Variants in TLL1 observed in about 807,000 individuals in gnomAD.
The protein encoded by TLL1 is tolloid like 1.
TLL1 carries 49 observed loss-of-function variants against 128.2 expected under a neutral mutation model. The observed-to-expected ratio is 0.38, with a 90% confidence interval of 0.30 to 0.48. TLL1 has a LOEUF of 0.48. Ranked by LOEUF, TLL1 falls within the 20% of genes least tolerant of loss-of-function variation. The probability of loss-of-function intolerance (pLI) is 0.96; values close to 1 mark genes in which losing one functional copy is unlikely to be tolerated. For synonymous variants in TLL1, 454 were observed against 418.8 expected (o/e 1.08, Z -1.03); for missense variants, 1,123 against 1,242.0 (o/e 0.90, Z 1.44).
intron 1 of TLL1, among the ~76,000 whole-genome samples, chr4:165,889,087 T>C (rs894728685): frequency 1.3e-5 from 2 of 152,194 alleles, no homozygotes; most frequent in Non-Finnish European, 2.9e-5. Flanking sequence ...ATCTAGCATA[T>C]TGAGTTATGC....
chr4:166,100,716 T>A (rs1406237813), intron 20 of TLL1, 26 bp from the exon 21 acceptor site: 3 of 1,612,304 alleles, frequency 1.9e-6, no homozygotes, highest in South Asian at 1.1e-5. Context: ...CTTGTTTACT[T>A]GCTTGTTGTT....
Position 166,043,407 on chromosome 4 carries a change from T to A in TLL1, c.1512T>A (p.Phe504Leu). Reference sequence around the variant, plus strand: ...AGAGCTACCACGTCGGGCTGACCTTTCAGTCCTTTGAGGTAAAGTCTTTTA... The same window carrying A: ...AGAGCTACCACGTCGGGCTGACCTTACAGTCCTTTGAGGTAAAGTCTTTTA... ...VSESYHVGLT[F>L]QSFEIERHDN... Residue 504 changes from phenylalanine (F) to leucine (L), a missense_variant, in exon 12 of 21, where the codon TTT becomes TTA. Physicochemically the swap from Phe to Leu is conservative, Grantham distance 22 (BLOSUM62 0). Transcript: ENST00000061240. 1.2e-6 allele frequency: 2 copies of A among 1,614,140 alleles called. No homozygotes were observed. The highest frequency in any genetic ancestry group is 1.7e-6 in the Non-Finnish European group (2 of 1,179,972).
At chr4:166,059,118 A>T (rs2111116178) in intron 14 of TLL1, among the ~76,000 whole-genome samples, 1 of 152,078 alleles carries the variant, frequency 6.6e-6, no homozygotes, top group Middle Eastern at 3.4e-3. Context: ...AGAAATACTT[A>T]TCTTATCATA....
Position 166,039,458 on chromosome 4 carries a change from C to G in TLL1, c.1261+17C>G. On this transcript the variant is annotated intron_variant, in intron 10 of 20. Transcript: ENST00000061240. ...CTCTCCTTGGTAAGATATCCTTTCC[C>G]TTTTATGTGGCTATGTATCTATTCT... 6.4e-7 allele frequency: 1 copy of G among 1,569,114 alleles called. No individual in the cohort carries two copies. The highest frequency in any genetic ancestry group is 8.8e-7 in the Non-Finnish European group (1 of 1,139,778).
At chr4:166,094,959 T>C (rs983525014) in intron 19 of TLL1, among the ~76,000 whole-genome samples, 1 of 152,132 alleles carries the variant, frequency 6.6e-6, no homozygotes, top group Non-Finnish European at 1.5e-5. Context: ...TCTGATAAGT[T>C]AAACTTATGA....
At chr4:165,913,964 C>A (rs1478325382) in intron 1 of TLL1, among the ~76,000 whole-genome samples, 2 of 151,876 alleles carry the variant, frequency 1.3e-5, no homozygotes, top group East Asian at 3.9e-4. Flanking sequence ...TGTAGTGAGC[C>A]ATGATGGCAC....
At chr4:166,049,567 C>T (rs1388743977) in intron 12 of TLL1, among the ~76,000 whole-genome samples, 1 of 151,868 alleles carries the variant, frequency 6.6e-6, no homozygotes, top group Non-Finnish European at 1.5e-5. Flanking sequence ...TTAAATCATT[C>T]ACATGAAAAT....
At chr4:165,948,617 G>C (rs1734367689) in intron 1 of TLL1, among the ~76,000 whole-genome samples, 1 of 152,208 alleles carries the variant, frequency 6.6e-6, no homozygotes, top group East Asian at 1.9e-4. Flanking sequence ...CATGGTGAGG[G>C]GGCTGATTAT....
intron 1 of TLL1, among the ~76,000 whole-genome samples, chr4:165,952,556 A>T (rs138993751): frequency 3.3e-5 from 5 of 152,148 alleles, no homozygotes; most frequent in African/African-American, 9.7e-5. Context: ...TGCATCTCAC[A>T]GATTTATTTT....
chr4:165,875,073 T>C (rs1730664828), intron 1 of TLL1: 1 of 152,598 alleles, frequency 6.6e-6, no homozygotes, highest in Non-Finnish European at 1.5e-5. Flanking sequence ...AAAGGTTGCA[T>C]GGTGGTTGGG....
chr4:166,024,776 C>T (rs1389011115), intron 8 of TLL1, among the ~76,000 whole-genome samples: 1 of 150,978 alleles, frequency 6.6e-6, no homozygotes, highest in African/African-American at 2.4e-5. Context: ...TTGAATCTTC[C>T]ATGATGTTTA....
Position 166,103,977 on chromosome 4 carries a change from G to A in TLL1, c.*3101G>A, listed in dbSNP as rs1742403083. 6.6e-6 allele frequency: 1 copy of A among 151,894 alleles called. No individual in the cohort carries two copies. The highest frequency in any genetic ancestry group is 1.5e-5 in the Non-Finnish European group (1 of 67,902). The allele number at this position is 151,894 out of a possible 1,614,324, so 9.4% of individuals were successfully genotyped here. On this transcript the variant is annotated 3_prime_UTR_variant, in exon 21 of 21. Coordinates refer to ENST00000061240, the MANE Select transcript of TLL1 (RefSeq NM_012464.5). ...AAATAACTTTTTAAAAGAAATGGAT[G>A]AGAAGTAATTGTGTTTCCAAAACCC...
chr4:166,084,175 T>C (rs565795031), intron 18 of TLL1, among the ~76,000 whole-genome samples: 4 of 152,284 alleles, frequency 2.6e-5, no homozygotes, highest in Admixed American at 2.6e-4. Flanking sequence ...TGTTGGTTAT[T>C]TGTGTCTTTT....
intron 1 of TLL1, among the ~76,000 whole-genome samples, chr4:165,927,349 T>C (rs1020114831): frequency 1.3e-5 from 2 of 152,234 alleles, no homozygotes; most frequent in Admixed American, 6.5e-5. Context: ...AAGTAAAAAT[T>C]ATTAAGATTA....
At chr4:165,964,093 C>T (rs746986872) in intron 1 of TLL1, among the ~76,000 whole-genome samples, 1 of 152,086 alleles carries the variant, frequency 6.6e-6, no homozygotes, top group Non-Finnish European at 1.5e-5. Context: ...TTAGCATATA[C>T]ATTAAAATGA....
intron 9 of TLL1, among the ~76,000 whole-genome samples, chr4:166,031,363 CTTTTT>C (rs35799879): frequency 5.9e-5 from 6 of 102,286 alleles, no homozygotes; most frequent in Admixed American, 1.1e-4. Context: ...ATTGCAAGGT[CTTTTT>C]TTTTTTTTTT....
chr4:166,055,260 A>T lies in TLL1; in HGVS notation c.1709A>T (p.Asn570Ile). Residue 570 changes from asparagine to isoleucine, a missense_variant, in exon 13 of 21, where the codon AAC becomes ATC. Around this residue, in one of 3 missense-constraint regions of TLL1, gnomAD observed 634 missense variants for 672.4 expected, o/e 0.94. Coordinates refer to ENST00000061240, the MANE Select transcript of TLL1 (RefSeq NM_012464.5). ...GTVNKAGFAA[N>I]FFKEEDECAK... Reference sequence around the variant, plus strand: ...GTGAACAAAGCAGGGTTTGCTGCTAACTTTTTTAAAGGTAATTTGAAATAA... The same window carrying T: ...GTGAACAAAGCAGGGTTTGCTGCTATCTTTTTTAAAGGTAATTTGAAATAA... 6.2e-7 allele frequency: 1 copy of T among 1,613,540 alleles called. No homozygotes were observed. The highest frequency in any genetic ancestry group is 8.5e-7 in the Non-Finnish European group (1 of 1,179,712).
intron 5 of TLL1, among the ~76,000 whole-genome samples, chr4:165,997,346 C>A (rs1736932569): frequency 6.6e-6 from 1 of 152,008 alleles, no homozygotes; most frequent in Non-Finnish European, 1.5e-5. Flanking sequence ...AACAGTGTGG[C>A]AATAAATGTG....
intron 7 of TLL1, 88 bp from the exon 8 acceptor site, chr4:166,014,348 G>C: frequency 1.3e-6 from 2 of 1,591,672 alleles, no homozygotes; most frequent in South Asian, 2.2e-5. Context: ...TGATTGACTT[G>C]AGTTTGAAAT....
Sources: allele counts gnomAD v4.1 joint callset (sites outside exome capture counted in the v4.1 genomes callset), GRCh38; gene constraint gnomAD v4.1.1; regional missense constraint gnomAD v4.1.1; transcripts MANE v1.5; gene names NCBI Gene and HGNC (gene_info 2026-07-23, HGNC 2026-07-21).